The following PYHIN1 variants were observed in gnomAD, a reference collection of about 807,000 sequenced individuals.
PYHIN1 encodes pyrin and HIN domain family member 1, also known as pyrin and HIN domain-containing protein 1.
A neutral mutation model predicts 43.7 loss-of-function variants in PYHIN1; 32 were observed. The ratio of observed to expected loss-of-function variants is 0.73; its 90% confidence interval spans 0.55 to 0.98. The LOEUF (loss-of-function observed/expected upper bound fraction) is 0.98, where lower values mean the gene tolerates loss of function less well. Ranked by LOEUF, PYHIN1 falls within the 50% of genes least tolerant of loss-of-function variation. The probability of loss-of-function intolerance (pLI) is 0.00; values close to 1 mark genes in which losing one functional copy is unlikely to be tolerated. For synonymous variants in PYHIN1, 205 were observed against 203.1 expected (o/e 1.01, Z -0.08); for missense variants, 588 against 589.5 (o/e 1.00, Z 0.03).
At chr1:158,967,999 T>C (rs1439800755) in intron 7 of PYHIN1, among the ~76,000 whole-genome samples, 1 of 151,902 alleles carries the variant, frequency 6.6e-6, no homozygotes, top group Non-Finnish European at 1.5e-5. Flanking sequence ...CCCTGGAAGA[T>C]GACCTAGAAA....
rs1650315126 is a variant in PYHIN1 at position 158,961,492 on chromosome 1, T to G, written c.1360-12155T>G. ...GAGAGTAGCAAGTAAATGCTAGATC[T>G]TCAACTGGAACATCCAGGTGGACCA... On this transcript the variant is annotated intron_variant, in intron 7 of 8. Coordinates refer to ENST00000368140, the MANE Select transcript of PYHIN1 (RefSeq NM_152501.5). Among the ~76,000 whole-genome samples, 3 of 152,026 alleles carry G rather than the reference T, an allele frequency of 2.0e-5. No individual in the cohort carries two copies. The South Asian group carries it at 6.2e-4, about 31-fold the overall frequency.
At chr1:158,957,392 G>A (rs1650008185) in intron 7 of PYHIN1, among the ~76,000 whole-genome samples, 2 of 152,182 alleles carry the variant, frequency 1.3e-5, no homozygotes, top group African/African-American at 4.8e-5. Context: ...ACATGGTACT[G>A]TTACCAAAAC....
In PYHIN1 at chr1:158,939,484, C is replaced by T. The variant is rs1208953499; in HGVS notation, c.579+237C>T. ...TGTTTGGGGAAGAGACAGAGAACTG[C>T]GGAATCTGGAACTTTCAGCAACAGA... On this transcript the variant is annotated intron_variant, in intron 4 of 8. Transcript: ENST00000368140. 32 of 1,550,866 alleles carry T rather than the reference C, an allele frequency of 2.1e-5. No homozygotes were observed. The East Asian group carries it at 2.4e-4, about 12-fold the overall frequency.
At chr1:158,932,096 G>A (rs2101632772) in intron 1 of PYHIN1, among the ~76,000 whole-genome samples, 1 of 152,244 alleles carries the variant, frequency 6.6e-6, no homozygotes, top group South Asian at 2.1e-4. Flanking sequence ...TGGGGTCTGG[G>A]CAAAAGACAA....
At chr1:158,971,885 T>C (rs1175718488) in intron 7 of PYHIN1, among the ~76,000 whole-genome samples, 1 of 151,902 alleles carries the variant, frequency 6.6e-6, no homozygotes, top group Admixed American at 6.6e-5. Context: ...CATTTGTGAA[T>C]GTGCAGGTGA....
At chr1:158,942,471 T>A in intron 5 of PYHIN1, 72 bp downstream of exon 5, 1 of 1,244,386 alleles carries the variant, frequency 8.0e-7, no homozygotes, top group Non-Finnish European at 1.1e-6. Context: ...ATGTGCTAAA[T>A]GGAAGTTTGC....
Position 158,969,646 on chromosome 1 carries a change from T to G in PYHIN1, c.1360-4001T>G, listed in dbSNP as rs926564549. 6.6e-5 allele frequency among the ~76,000 whole-genome samples: 10 copies of G among 152,146 alleles called. No individual in the cohort carries two copies. The East Asian group carries it at 1.9e-3, about 29-fold the overall frequency. ...CAATCTAACCTATTTGCCATCTTACTTCAGGTGGTTAGATGGAGCCCATTC... is the reference window on the plus strand; with the variant it reads ...CAATCTAACCTATTTGCCATCTTACGTCAGGTGGTTAGATGGAGCCCATTC... On this transcript the variant is annotated intron_variant, in intron 7 of 8. Transcript: ENST00000368140.
chr1:158,988,096 T>C, the PYHIN1 span, among the ~76,000 whole-genome samples: 129 of 152,348 alleles, frequency 8.5e-4, no homozygotes, highest in African/African-American at 3.0e-3. Flanking sequence ...GAATCAAATC[T>C]GCTCATGCTT....
At chr1:158,969,990 G>C (rs1182681233) in intron 7 of PYHIN1, among the ~76,000 whole-genome samples, 2 of 151,940 alleles carry the variant, frequency 1.3e-5, no homozygotes, top group Non-Finnish European at 2.9e-5. Flanking sequence ...CACCAGGTGA[G>C]CAGGAAAGCC....
chr1:158,937,055 G>T lies in PYHIN1; in HGVS notation c.145G>T (p.Ala49Ser). 2 of 1,614,128 alleles carry T rather than the reference G, an allele frequency of 1.2e-6. No homozygotes were observed. Among genetic ancestry groups the T allele is most frequent in the Non-Finnish European group, 1.7e-6 (2 of 1,180,000 alleles). Residue 49 changes from alanine to serine, a missense_variant, in exon 2 of 9, where the codon GCT (alanine) becomes TCT (serine). Coordinates refer to ENST00000368140, the MANE Select transcript of PYHIN1 (RefSeq NM_152501.5). The part of the protein sequence containing the change: ...MKEEYDKIQI[A>S]DLMEEKFPGD... Reference sequence around the variant, plus strand: ...AGAAGAGTATGACAAAATTCAGATTGCTGACTTGATGGAGGAAAAGTTCCC... The same window carrying T: ...AGAAGAGTATGACAAAATTCAGATTTCTGACTTGATGGAGGAAAAGTTCCC...
Position 158,933,051 on chromosome 1 carries a change from C to A in PYHIN1, c.-21+1275C>A, listed in dbSNP as rs930035212. Among the ~76,000 whole-genome samples the A allele has an allele frequency of 6.6e-6, 1 of 151,502 alleles. No individual in the cohort carries two copies. The highest frequency in any genetic ancestry group is 6.6e-5 in the Admixed American group (1 of 15,206). On this transcript the variant is annotated intron_variant, in intron 1 of 8. Transcript: ENST00000368140. The surrounding 1 kb of genome is among the most constrained non-coding windows in gnomAD (Gnocchi z 6.3). ...TCAAATTTGTAAAAATGTTTTTTTA[C>A]CTTGTTCATTTAGTATTGGAAGATA...
chr1:158,967,696 C>G (rs1378139952), intron 7 of PYHIN1, among the ~76,000 whole-genome samples: 1 of 152,088 alleles, frequency 6.6e-6, no homozygotes, highest in Non-Finnish European at 1.5e-5. Context: ...TCAAACTATA[C>G]TGCAAGGTTA....
At chr1:158,978,360 T>G (rs1292234664), downstream of PYHIN1, among the ~76,000 whole-genome samples, 1 of 152,000 alleles carries the variant, frequency 6.6e-6, no homozygotes, top group African/African-American at 2.4e-5. Context: ...CCACCGAATT[T>G]TTTCCTCATG....
rs960600506 is a variant in PYHIN1, at chr1:158,975,758, A to T, written c.*6-943A>T. On this transcript the variant is annotated intron_variant, in intron 8 of 8. Coordinates refer to ENST00000368140, the MANE Select transcript of PYHIN1 (RefSeq NM_152501.5). ...TATCCATCTGATATATAGAGCTTAAACTTGGGTAATTTTGGCTGGGCCTTT... is the reference window on the plus strand; with the variant it reads ...TATCCATCTGATATATAGAGCTTAATCTTGGGTAATTTTGGCTGGGCCTTT... Among the ~76,000 whole-genome samples the T allele has an allele frequency of 2.0e-5, 3 of 152,090 alleles. No individual in the cohort carries two copies. The South Asian group carries it at 6.2e-4, about 31-fold the overall frequency.
In PYHIN1 at chr1:158,973,683, GCAAACTTTAGAAT is replaced by G; in HGVS notation, c.1399_1411del (p.Asn467ProfsTer24). 2.5e-6 allele frequency: 4 copies of G among 1,613,026 alleles called. No homozygotes were observed. ...CCACCCAGGAGCACAGTCATCGCCTGCAAACTTTAGAATCACCTCACCAACTGTGGCCCCTCCT... is the reference window on the plus strand; with the variant it reads ...CCACCCAGGAGCACAGTCATCGCCTGCACCTCACCAACTGTGGCCCCTCCT... On this transcript the variant is annotated frameshift_variant, in exon 8 of 9. Transcript: ENST00000368140. LOFTEE classifies it high-confidence loss of function.
At chr1:158,957,706 A>C (rs1239065549) in intron 7 of PYHIN1, among the ~76,000 whole-genome samples, 6 of 144,982 alleles carry the variant, frequency 4.1e-5, no homozygotes, top group East Asian at 4.0e-4. Context: ...CAAGGACTTC[A>C]TGTCTAAAAC....
rs200757117 is a variant in PYHIN1, at chr1:158,936,894, C to T, written c.-17C>T. 6.5e-7 allele frequency: 1 copy of T among 1,546,820 alleles called. No homozygotes were observed. Among genetic ancestry groups the T allele is most frequent in the Non-Finnish European group, 8.7e-7 (1 of 1,150,848 alleles). ...ATATACCATTTTTCTCTTGCAGGCT[C>T]ACTTATATCTTTAGAGATGGCAAAT... On this transcript the variant is annotated 5_prime_UTR_variant, in exon 2 of 9. Coordinates refer to ENST00000368140, the MANE Select transcript of PYHIN1 (RefSeq NM_152501.5).
chr1:158,976,283 A>G (rs564463032), intron 8 of PYHIN1, among the ~76,000 whole-genome samples: 5 of 152,232 alleles, frequency 3.3e-5, no homozygotes, highest in African/African-American at 4.8e-5. Context: ...TGATTGCTCC[A>G]GTTCTCAGGG....
At chr1:158,987,946 T>C in the PYHIN1 span, among the ~76,000 whole-genome samples, 2 of 152,188 alleles carry the variant, frequency 1.3e-5, no homozygotes, top group Admixed American at 6.6e-5. Context: ...GAGAAGGACA[T>C]ACTATGGAGA....
Sources: gnomAD v4.1 joint callset for allele counts (sites outside exome capture counted in the v4.1 genomes callset) on GRCh38, gnomAD v4.1.1 for gene constraint, Gnocchi (gnomAD v3.1) non-coding constraint, MANE v1.5 for transcripts, NCBI Gene and HGNC (gene_info 2026-07-23, HGNC 2026-07-21) for gene names.